Variants in ALG8 observed in about 807,000 individuals in gnomAD.
ALG8 encodes dolichyl pyrophosphate Glc1Man9GlcNAc2 alpha-1,3-glucosyltransferase.
Under a neutral mutation model 70.2 loss-of-function variants are expected in ALG8, and 48 were observed. That is an observed-to-expected ratio of 0.68 (90% CI 0.54 to 0.87). ALG8 has a LOEUF of 0.87. Among genes scored for constraint, ALG8 ranks in the 40% least tolerant of loss-of-function variants. The pLI, the probability that ALG8 is intolerant of heterozygous loss-of-function variation, is 0.00. For missense variants in ALG8, 572 were observed against 608.7 expected (o/e 0.94, Z 0.64); for synonymous variants, 234 against 229.0 (o/e 1.02, Z -0.20).
intron 1 of ALG8, among the ~76,000 whole-genome samples, chr11:78,136,369 G>A (rs1426134524): frequency 6.6e-6 from 1 of 151,568 alleles, no homozygotes; most frequent in East Asian, 1.9e-4. Flanking sequence ...ACAGATAATA[G>A]AGAGAGAAAG....
At chr11:78,138,754 TTTCA>T (rs1327128000) in intron 1 of ALG8, 1 of 456,232 alleles carries the variant, frequency 2.2e-6, no homozygotes, top group Admixed American at 2.3e-5. Flanking sequence ...GTTTCCACGC[TTTCA>T]GTCTTGGCCC....
At chr11:78,133,770 G>A (rs559954766) in intron 1 of ALG8, among the ~76,000 whole-genome samples, 1 of 152,064 alleles carries the variant, frequency 6.6e-6, no homozygotes, top group Admixed American at 6.6e-5. Flanking sequence ...GGCTTGGTGA[G>A]GGGCGCCTGT....
intron 2 of ALG8, among the ~76,000 whole-genome samples, chr11:78,127,138 C>A (rs547370756): frequency 6.6e-6 from 1 of 152,082 alleles, no homozygotes; most frequent in African/African-American, 2.4e-5. Context: ...ACCACCACAC[C>A]CAGCTAATTT....
chr11:78,123,319 A>G, intron 3 of ALG8, among the ~76,000 whole-genome samples: 1 of 112,666 alleles, frequency 8.9e-6, no homozygotes, highest in Non-Finnish European at 1.8e-5. Context: ...AAAAAAGAAA[A>G]AAAAAAAAAA....
chr11:78,133,577 A>C (rs1018242819), intron 1 of ALG8: 2 of 152,094 alleles, frequency 1.3e-5, no homozygotes, highest in Non-Finnish European at 2.9e-5. Flanking sequence ...GAGTCACATG[A>C]ATTTTTTGAT....
At chr11:78,116,968 A>G (rs1296833704) in intron 5 of ALG8, among the ~76,000 whole-genome samples, 1 of 152,208 alleles carries the variant, frequency 6.6e-6, no homozygotes, top group Non-Finnish European at 1.5e-5. Context: ...AGCTGATTCC[A>G]TAGTCAAATT....
chr11:78,107,116 A>G (rs1352599639), intron 9 of ALG8, among the ~76,000 whole-genome samples, 170 bp from the exon 10 acceptor site: 3 of 151,696 alleles, frequency 2.0e-5, no homozygotes, highest in Non-Finnish European at 4.4e-5. Flanking sequence ...AAAAGTTAAC[A>G]TAAAAGCAAC....
intron 2 of ALG8, among the ~76,000 whole-genome samples, chr11:78,126,572 A>C (rs1861090466): frequency 6.6e-6 from 1 of 152,078 alleles, no homozygotes; most frequent in East Asian, 1.9e-4. Flanking sequence ...ATAAAAATAC[A>C]GACATAGTTT....
At chr11:78,112,320 GA>G (rs957985515) in intron 8 of ALG8, 21 of 341,524 alleles carry the variant, frequency 6.1e-5, no homozygotes, top group African/African-American at 1.1e-4. Context: ...GAGAAGGGGG[GA>G]AAAAAAGCAG....
chr11:78,118,615 C>CAAAA (rs60253317), intron 5 of ALG8, among the ~76,000 whole-genome samples: 8 of 88,110 alleles, frequency 9.1e-5, no homozygotes, highest in Non-Finnish European at 8.8e-5. Context: ...GACTCATTCT[C>CAAAA]AAAAAAAAAA....
intron 10 of ALG8, among the ~76,000 whole-genome samples, chr11:78,106,258 T>C (rs1273273804): frequency 6.6e-6 from 1 of 151,986 alleles, no homozygotes; most frequent in Non-Finnish European, 1.5e-5. Flanking sequence ...AATGCAGTGG[T>C]GCGATCTCGG....
At chr11:78,115,726 C>T (rs693514) in intron 5 of ALG8, among the ~76,000 whole-genome samples, 33,134 of 152,082 alleles carry the variant, frequency 0.22, 4,462 homozygotes, top group African/African-American at 0.38. Flanking sequence ...CATAAATTCA[C>T]TATTCCAACA....
intron 9 of ALG8, among the ~76,000 whole-genome samples, chr11:78,108,078 G>A (rs1418848795): frequency 1.3e-5 from 2 of 151,694 alleles, no homozygotes; most frequent in Non-Finnish European, 2.9e-5. Flanking sequence ...AGGAGATCGA[G>A]ACCATCCTGG....
intron 8 of ALG8, among the ~76,000 whole-genome samples, chr11:78,110,608 C>T (rs1860243360): frequency 6.6e-6 from 1 of 152,122 alleles, no homozygotes; most frequent in African/African-American, 2.4e-5. Context: ...ATTTCTATCC[C>T]CAGTACATAG....
chr11:78,121,711 T>A (rs757847586), intron 3 of ALG8, among the ~76,000 whole-genome samples: 1 of 152,120 alleles, frequency 6.6e-6, no homozygotes, highest in African/African-American at 2.4e-5. Flanking sequence ...TTTTGAAAAC[T>A]GAGAGAGCAT....
At chr11:78,120,499 G>C (rs1860772329) in intron 4 of ALG8, among the ~76,000 whole-genome samples, 1 of 152,192 alleles carries the variant, frequency 6.6e-6, no homozygotes, top group South Asian at 2.1e-4. Flanking sequence ...TTCTAAAGCT[G>C]CTAATGGCAA....
intron 9 of ALG8, among the ~76,000 whole-genome samples, chr11:78,109,169 C>T (rs1860171602): frequency 6.6e-6 from 1 of 152,238 alleles, no homozygotes; most frequent in Admixed American, 6.5e-5. Context: ...CATGCCTCTT[C>T]CTCTCTGGGC....
chr11:78,100,990 CAG>C lies in ALG8; in HGVS notation c.1553_1554del (p.Ser518CysfsTer15). ...FKLYVSVLID[S>X]AIGKTKKQ ...CATTGTTTCTTTGTCTTGCCAATAG[CAG>C]AGTCAATCAATACTGAAACATACAG... On this transcript the variant is annotated frameshift_variant, in exon 13 of 13. Transcript: ENST00000299626. LOFTEE classifies it high-confidence loss of function. The C allele has an allele frequency of 6.2e-7, 1 of 1,614,150 alleles. No individual in the cohort carries two copies. The highest frequency in any genetic ancestry group is 8.5e-7 in the Non-Finnish European group (1 of 1,179,998).
At chr11:78,119,896 G>A (rs1465886405) in intron 4 of ALG8, among the ~76,000 whole-genome samples, 2 of 152,018 alleles carry the variant, frequency 1.3e-5, no homozygotes, top group Admixed American at 6.6e-5. Context: ...GGGACCAGGC[G>A]TTCAAGATCA....
Sources: allele counts gnomAD v4.1 joint callset (sites outside exome capture counted in the v4.1 genomes callset), GRCh38; gene constraint gnomAD v4.1.1; transcripts MANE v1.5; gene names NCBI Gene and HGNC (gene_info 2026-07-23, HGNC 2026-07-21).